DCC: variants seen among roughly 807,000 people sequenced by gnomAD.
DCC encodes DCC netrin 1 receptor.
Under a neutral mutation model 172.5 loss-of-function variants are expected in DCC, and 58 were observed. That is an observed-to-expected ratio of 0.34 (90% confidence interval 0.27 to 0.42). The LOEUF is 0.42. DCC is among the 10% of genes least tolerant of loss of function. The probability of loss-of-function intolerance (pLI) is 1.00; values close to 1 mark genes in which losing one functional copy is unlikely to be tolerated. For synonymous variants in DCC, 709 were observed against 644.5 expected (o/e 1.10, Z -1.52); for missense variants, 1,740 against 1,791.0 (o/e 0.97, Z 0.51).
intron 5 of DCC, among the ~76,000 whole-genome samples, chr18:53,035,505 T>C (rs940406045): frequency 8.5e-5 from 13 of 152,234 alleles, no homozygotes; most frequent in African/African-American, 3.1e-4. Flanking sequence ...TGAAATCAAG[T>C]GTATTTTATA....
intron 7 of DCC, among the ~76,000 whole-genome samples, chr18:53,139,147 G>A (rs868784736): frequency 3.9e-5 from 6 of 152,080 alleles, no homozygotes; most frequent in Non-Finnish European, 8.8e-5. Flanking sequence ...GTTACACAGC[G>A]ATCACTCAAA....
chr18:53,138,970 G>A (rs2043789842), intron 7 of DCC, among the ~76,000 whole-genome samples: 1 of 152,260 alleles, frequency 6.6e-6, no homozygotes, highest in South Asian at 2.1e-4. Context: ...CTCTGTGTTT[G>A]TACGTACTAT....
At chr18:53,063,558 G>T in intron 6 of DCC, 99 bp downstream of exon 6, 3 of 1,005,894 alleles carry the variant, frequency 3.0e-6, no homozygotes, top group Non-Finnish European at 3.0e-6. Context: ...GTTCCTGTTG[G>T]AGATTTTTTG....
At chr18:52,589,212 A>G (rs1337179167) in intron 1 of DCC, among the ~76,000 whole-genome samples, 1 of 152,212 alleles carries the variant, frequency 6.6e-6, no homozygotes, top group Non-Finnish European at 1.5e-5. Flanking sequence ...AGACAGCTTG[A>G]CAAAAGCAAA....
chr18:53,329,118 T>G (rs180771896), intron 14 of DCC, among the ~76,000 whole-genome samples: 1 of 152,244 alleles, frequency 6.6e-6, no homozygotes, highest in Admixed American at 6.5e-5. Context: ...ATTAGGCAGT[T>G]TTTTAAAAAA....
chr18:53,368,526 C>T (rs181248551), intron 15 of DCC, among the ~76,000 whole-genome samples: 27 of 152,168 alleles, frequency 1.8e-4, no homozygotes, highest in Admixed American at 1.4e-3. Context: ...CCAAATCTAA[C>T]ATCGTGAATT....
At chr18:52,514,238 T>C (rs983744063) in intron 1 of DCC, among the ~76,000 whole-genome samples, 4 of 141,972 alleles carry the variant, frequency 2.8e-5, no homozygotes, top group Non-Finnish European at 6.2e-5. Flanking sequence ...TGTGTGTATA[T>C]GTATATGTGT....
chr18:52,813,674 A>C (rs142164043), intron 2 of DCC, among the ~76,000 whole-genome samples: 44 of 152,316 alleles, frequency 2.9e-4, no homozygotes, highest in African/African-American at 1.0e-3. Flanking sequence ...TTTTTGGTTG[A>C]GATTAACAGT....
At chr18:52,980,662 A>T (rs2041195476) in intron 5 of DCC, among the ~76,000 whole-genome samples, 1 of 152,202 alleles carries the variant, frequency 6.6e-6, no homozygotes, top group South Asian at 2.1e-4. Flanking sequence ...AACATAAAAT[A>T]AGTACTAAAT....
chr18:52,813,458 G>C (rs1158337421), intron 2 of DCC, among the ~76,000 whole-genome samples: 2 of 152,202 alleles, frequency 1.3e-5, no homozygotes, highest in Admixed American at 6.5e-5. Context: ...ATTATCAACT[G>C]TCACAAACCA....
intron 14 of DCC, among the ~76,000 whole-genome samples, chr18:53,336,004 A>G (rs2057587442): frequency 6.6e-6 from 1 of 152,142 alleles, no homozygotes; most frequent in South Asian, 2.1e-4. Flanking sequence ...ACCTCCCACA[A>G]CACGTAGGAA....
chr18:52,546,229 G>A (rs766433253), intron 1 of DCC, among the ~76,000 whole-genome samples: 3 of 152,138 alleles, frequency 2.0e-5, no homozygotes, highest in Admixed American at 6.6e-5. Flanking sequence ...CGTTAGCAAA[G>A]TACACTGGAG....
chr18:53,335,009 T>TTA (rs1016226719), intron 14 of DCC, among the ~76,000 whole-genome samples: 1 of 152,182 alleles, frequency 6.6e-6, no homozygotes, highest in African/African-American at 2.4e-5. Context: ...TGAGGGACCC[T>TTA]TATATGGTTT....
At chr18:52,386,599 A>G (rs1985809169) in intron 1 of DCC, among the ~76,000 whole-genome samples, 1 of 152,064 alleles carries the variant, frequency 6.6e-6, no homozygotes, top group East Asian at 1.9e-4. Context: ...TTTAAACCCC[A>G]AGGTGTATAC....
In DCC at chr18:52,550,953, A is replaced by T. The variant is rs138111483; in HGVS notation, c.92-201101A>T. On this transcript the variant is annotated intron_variant, in intron 1 of 28. Coordinates refer to ENST00000442544, the MANE Select transcript of DCC (RefSeq NM_005215.4). ...TTACTATTTTTAAAAGTTTATTTTT[A>T]AAAAAATGAATGCTAATGATAACCT... Among the ~76,000 whole-genome samples, 724 of 151,916 alleles carry T rather than the reference A, an allele frequency of 4.8e-3. 13 individuals are homozygous for T. Among genetic ancestry groups the T allele is most frequent in the African/African-American group, 0.017 (695 of 41,468 alleles).
At chr18:53,358,530 C>CTTTTTTTTTTT (rs35093625) in intron 15 of DCC, among the ~76,000 whole-genome samples, 3 of 95,920 alleles carry the variant, frequency 3.1e-5, no homozygotes, top group African/African-American at 4.4e-5. Flanking sequence ...TTCTCTCTCT[C>CTTTTTTTTTTT]TTTTTTTTTT....
chr18:52,677,339 T>C (rs1287063992), intron 1 of DCC, among the ~76,000 whole-genome samples: 2 of 152,192 alleles, frequency 1.3e-5, no homozygotes, highest in Non-Finnish European at 2.9e-5. Flanking sequence ...GAGAAGTGGT[T>C]AAATATTAAA....
chr18:53,488,276 G>T (rs2045924140), intron 26 of DCC, among the ~76,000 whole-genome samples: 1 of 152,178 alleles, frequency 6.6e-6, no homozygotes, highest in South Asian at 2.1e-4. Flanking sequence ...TTGGGAGGCT[G>T]AGGCATGAGA....
intron 1 of DCC, among the ~76,000 whole-genome samples, chr18:52,516,259 C>G (rs1336368180): frequency 6.6e-6 from 1 of 152,132 alleles, no homozygotes; most frequent in Non-Finnish European, 1.5e-5. Context: ...GAAATGAAAA[C>G]TCATGTTCAC....
Sources: allele counts gnomAD v4.1 joint callset (sites outside exome capture counted in the v4.1 genomes callset), GRCh38; gene constraint gnomAD v4.1.1; transcripts MANE v1.5; gene names NCBI Gene and HGNC (gene_info 2026-07-23, HGNC 2026-07-21).